NADK: variants seen among roughly 807,000 people sequenced by gnomAD.
NADK encodes poly(P)/ATP NAD kinase.
A neutral mutation model predicts 49.8 loss-of-function variants in NADK; 22 were observed. That is an observed-to-expected ratio of 0.44 (90% CI 0.32 to 0.63). NADK has a LOEUF of 0.63. NADK is among the 30% of genes least tolerant of loss of function. The probability of loss-of-function intolerance (pLI) is 0.06; values close to 1 mark genes in which losing one functional copy is unlikely to be tolerated. For missense variants in NADK, 438 were observed against 609.4 expected (o/e 0.72, Z 2.96); for synonymous variants, 268 against 253.7 (o/e 1.06, Z -0.54).
At chr1:1,758,827 C>T (rs1196193525) in intron 3 of NADK, among the ~76,000 whole-genome samples, 1 of 152,212 alleles carries the variant, frequency 6.6e-6, no homozygotes, top group Non-Finnish European at 1.5e-5. Context: ...TTCCCGTGGC[C>T]TCAGACCTGG....
At chr1:1,756,126 CAG>C (rs1645512024) in intron 6 of NADK, 130 bp downstream of exon 6, 3 of 848,936 alleles carry the variant, frequency 3.5e-6, no homozygotes, top group East Asian at 2.6e-5. Flanking sequence ...CCATGGGCCT[CAG>C]TGCTGGCCGC....
intron 4 of NADK, 30 bp downstream of exon 4, chr1:1,757,151 C>A (rs781077320): frequency 7.1e-7 from 1 of 1,409,210 alleles, no homozygotes; most frequent in Admixed American, 2.0e-5. Flanking sequence ...CATGTGCACC[C>A]CAGGCCCCCT....
intron 4 of NADK, 25 bp from the exon 5 acceptor site, chr1:1,756,633 C>A: frequency 3.7e-6 from 6 of 1,613,880 alleles, no homozygotes; most frequent in Non-Finnish European, 5.1e-6. Context: ...CCAACCTGCT[C>A]ATTCCACCTG....
At chr1:1,760,813 G>A (rs1645698290) in intron 3 of NADK, among the ~76,000 whole-genome samples, 1 of 152,234 alleles carries the variant, frequency 6.6e-6, no homozygotes, top group Non-Finnish European at 1.5e-5. Flanking sequence ...TGCAGAATAC[G>A]ACTCTCAGGG....
intron 4 of NADK, chr1:1,756,978 T>C (rs1053442427): frequency 4.4e-6 from 4 of 908,850 alleles, no homozygotes; most frequent in Non-Finnish European, 7.2e-6. Context: ...CAGCTCATTG[T>C]TGGTCACCCA....
At chr1:1,757,129 C>G (rs754012182) in intron 4 of NADK, 52 bp downstream of exon 4, 1 of 1,540,712 alleles carries the variant, frequency 6.5e-7, no homozygotes, top group Admixed American at 1.9e-5. Flanking sequence ...TGGATGGAGG[C>G]CCCCCCAACT....
chr1:1,766,956 C>T (rs376027894), intron 1 of NADK, among the ~76,000 whole-genome samples: 1 of 151,818 alleles, frequency 6.6e-6, no homozygotes, highest in South Asian at 2.1e-4. Flanking sequence ...ACTCTGTCGC[C>T]CACGCTGGAG....
chr1:1,766,719 C>T (rs79760588), intron 1 of NADK, among the ~76,000 whole-genome samples: 2,892 of 151,242 alleles, frequency 0.019, 101 homozygotes, highest in African/African-American at 0.067. Flanking sequence ...AGGATCCCAC[C>T]TCAGCCTTCC....
At chr1:1,753,672 TG>T (rs1281795668) in intron 10 of NADK, 23 bp from the exon 11 acceptor site, 1 of 1,584,660 alleles carries the variant, frequency 6.3e-7, no homozygotes, top group Non-Finnish European at 8.6e-7. Flanking sequence ...CAGGGAGAGG[TG>T]TGGGCCCCCA....
chr1:1,767,448 G>A (rs1025144533), intron 1 of NADK, among the ~76,000 whole-genome samples: 2 of 152,174 alleles, frequency 1.3e-5, no homozygotes, highest in African/African-American at 2.4e-5. Flanking sequence ...ACCATGAACT[G>A]AGCATTCAAG....
intron 4 of NADK, 122 bp downstream of exon 4, chr1:1,757,059 A>C: frequency 7.0e-7 from 1 of 1,430,874 alleles, no homozygotes; most frequent in Non-Finnish European, 9.6e-7. Context: ...CCCCAGTTCC[A>C]GACAAGCAGC....
At chr1:1,764,501 C>G (rs1645825459) in intron 2 of NADK, among the ~76,000 whole-genome samples, 1 of 152,232 alleles carries the variant, frequency 6.6e-6, no homozygotes, top group Non-Finnish European at 1.5e-5. Context: ...GCTCATAACT[C>G]TGCCTCCACC....
chr1:1,755,480 T>C lies in NADK; in HGVS notation c.586-4A>G. ...CCATGACCGGAGGGACGCTGCCCTG[T>C]GAGCCGACGGAGAGGTCACTCAGTG... is the stretch of plus-strand genomic sequence containing the variant. On this transcript the variant is annotated splice_polypyrimidine_tract_variant and splice_region_variant and intron_variant, in intron 6 of 11. Transcript: ENST00000341426. 6.2e-7 allele frequency: 1 copy of C among 1,612,380 alleles called. No individual in the cohort carries two copies. The highest frequency in any genetic ancestry group is 8.5e-7 in the Non-Finnish European group (1 of 1,178,870).
intron 1 of NADK, among the ~76,000 whole-genome samples, chr1:1,765,859 G>A (rs994149478): frequency 2.6e-5 from 4 of 152,142 alleles, no homozygotes; most frequent in Non-Finnish European, 4.4e-5. Context: ...GCAGTAAGTC[G>A]AGATCATGCC....
intron 1 of NADK, among the ~76,000 whole-genome samples, chr1:1,776,830 A>T (rs1646226624): frequency 6.6e-6 from 1 of 151,248 alleles, no homozygotes; most frequent in Non-Finnish European, 1.5e-5. Flanking sequence ...TAAGATCAGC[A>T]CTTTGGGAAG....
At chr1:1,766,168 G>A (rs1406501663) in intron 1 of NADK, among the ~76,000 whole-genome samples, 1 of 151,812 alleles carries the variant, frequency 6.6e-6, no homozygotes, top group Non-Finnish European at 1.5e-5. Flanking sequence ...GAAAGACTCT[G>A]GCCAGGTGCG....
intron 3 of NADK, 135 bp from the exon 4 acceptor site, chr1:1,757,445 G>A (rs1194780513): frequency 2.7e-6 from 2 of 739,412 alleles, no homozygotes; most frequent in African/African-American, 1.8e-5. Context: ...CGGTGGCCAC[G>A]GGCTCACAGG....
At chr1:1,772,643 C>T (rs1646085816) in intron 1 of NADK, among the ~76,000 whole-genome samples, 2 of 151,968 alleles carry the variant, frequency 1.3e-5, no homozygotes, top group Admixed American at 6.6e-5. Flanking sequence ...GCCATACACA[C>T]ATGTAAAACT....
chr1:1,753,443 G>A, intron 11 of NADK, 124 bp downstream of exon 11: 2 of 745,086 alleles, frequency 2.7e-6, no homozygotes, highest in East Asian at 2.7e-5. Flanking sequence ...AAGACCCAGG[G>A]ACTCAGGCCC....
Sources: gnomAD v4.1 joint callset for allele counts (sites outside exome capture counted in the v4.1 genomes callset) on GRCh38, gnomAD v4.1.1 for gene constraint, MANE v1.5 for transcripts, NCBI Gene and HGNC (gene_info 2026-07-23, HGNC 2026-07-21) for gene names.